The following RASSF8 variants were observed in gnomAD, a reference collection of about 807,000 sequenced individuals.
RASSF8 encodes the protein Ras association domain family member 8.
In RASSF8, 22 loss-of-function variants were observed where a neutral mutation model predicts 48.5. That is an observed-to-expected ratio of 0.45 (90% CI 0.32 to 0.65). The LOEUF is 0.65. RASSF8 is among the 30% of genes least tolerant of loss of function. The pLI is 0.03. For missense variants in RASSF8, 418 were observed against 489.2 expected (o/e 0.85, Z 1.37); for synonymous variants, 127 against 171.5 (o/e 0.74, Z 2.03).
chr12:25,965,269 C>T (rs1292892872), intron 1 of RASSF8, among the ~76,000 whole-genome samples: 1 of 151,816 alleles, frequency 6.6e-6, no homozygotes, highest in East Asian at 1.9e-4. Flanking sequence ...ATATCATTGA[C>T]ACACAATAAA....
At chr12:26,032,219 A>T (rs1169649649) in intron 2 of RASSF8, among the ~76,000 whole-genome samples, 1 of 152,184 alleles carries the variant, frequency 6.6e-6, no homozygotes, top group Non-Finnish European at 1.5e-5. Flanking sequence ...CACATATAAA[A>T]CTTTGAAATG....
intron 2 of RASSF8, among the ~76,000 whole-genome samples, chr12:26,052,391 C>G (rs1477986327): frequency 6.6e-6 from 1 of 152,162 alleles, no homozygotes; most frequent in East Asian, 1.9e-4. Flanking sequence ...CCTAGTGCTT[C>G]ATTGTAAAAA....
At chr12:25,987,185 C>T (rs536562998) in intron 1 of RASSF8, among the ~76,000 whole-genome samples, 15 of 152,276 alleles carry the variant, frequency 9.9e-5, no homozygotes, top group Admixed American at 7.8e-4. Context: ...CCACCTGCCT[C>T]GGCCTCCCAA....
intron 2 of RASSF8, among the ~76,000 whole-genome samples, chr12:26,009,931 A>C (rs1467984245): frequency 6.6e-6 from 1 of 152,240 alleles, no homozygotes; most frequent in Non-Finnish European, 1.5e-5. Flanking sequence ...GAGAGAGATC[A>C]GAAGAAGGCT....
chr12:26,033,597 G>A (rs565660891), intron 2 of RASSF8, among the ~76,000 whole-genome samples: 10 of 151,770 alleles, frequency 6.6e-5, no homozygotes, highest in African/African-American at 2.2e-4. Context: ...AAACACTGTT[G>A]GGTTTCTTTT....
chr12:26,030,148 AGT>A (rs1942997838), intron 2 of RASSF8, among the ~76,000 whole-genome samples: 1 of 152,186 alleles, frequency 6.6e-6, no homozygotes, highest in African/African-American at 2.4e-5. Flanking sequence ...TTTGTTTTCT[AGT>A]ATATAATTGA....
chr12:26,024,037 A>G (rs921044513), intron 2 of RASSF8, among the ~76,000 whole-genome samples: 1 of 152,246 alleles, frequency 6.6e-6, no homozygotes, highest in Non-Finnish European at 1.5e-5. Context: ...CTACAAAGTA[A>G]TAAGTGTAAT....
downstream of RASSF8, among the ~76,000 whole-genome samples, chr12:26,077,535 C>CT (rs534630578): frequency 2.0e-3 from 310 of 152,048 alleles, 1 homozygote; most frequent in African/African-American, 6.8e-3. Context: ...TTCCCCATTT[C>CT]TTTTTTTTGT....
intron 1 of RASSF8, among the ~76,000 whole-genome samples, chr12:25,969,408 A>G (rs748060898): frequency 6.6e-6 from 1 of 152,202 alleles, no homozygotes; most frequent in Non-Finnish European, 1.5e-5. Flanking sequence ...ATATTTGTGA[A>G]GAACAGAGCA....
At chr12:26,064,335 G>A (rs561143992) in intron 3 of RASSF8, among the ~76,000 whole-genome samples, 163 bp from the exon 4 acceptor site, 1 of 152,308 alleles carries the variant, frequency 6.6e-6, no homozygotes, top group South Asian at 2.1e-4. Context: ...GTCGTGAGGG[G>A]TTTGGTATCT....
intron 2 of RASSF8, among the ~76,000 whole-genome samples, chr12:26,043,132 G>T (rs1451188077): frequency 6.6e-6 from 1 of 152,188 alleles, no homozygotes; most frequent in South Asian, 2.1e-4. Flanking sequence ...ACAATCAGAG[G>T]AGTAGCCAGA....
chr12:26,048,972 G>A (rs1265570096), intron 2 of RASSF8, among the ~76,000 whole-genome samples: 2 of 151,928 alleles, frequency 1.3e-5, no homozygotes, highest in African/African-American at 2.4e-5. Context: ...TGGCCAGGCC[G>A]GTCTCGAACT....
intron 2 of RASSF8, among the ~76,000 whole-genome samples, chr12:26,009,178 C>G (rs1476358222): frequency 6.6e-6 from 1 of 152,186 alleles, no homozygotes; most frequent in East Asian, 1.9e-4. Flanking sequence ...ACTATCTGGG[C>G]TGAGAACCAA....
intron 1 of RASSF8, among the ~76,000 whole-genome samples, chr12:25,980,709 G>A (rs1238668115): frequency 2.6e-5 from 4 of 152,158 alleles, no homozygotes; most frequent in Non-Finnish European, 4.4e-5. Context: ...CTATGAGCAG[G>A]TGAAGCCATA....
intron 2 of RASSF8, among the ~76,000 whole-genome samples, chr12:26,051,160 A>G (rs1450122224): frequency 2.0e-5 from 3 of 152,204 alleles, no homozygotes; most frequent in Non-Finnish European, 4.4e-5. Context: ...CTTTTCTCAT[A>G]TTGAAATGAG....
chr12:26,034,422 AT>A (rs967444812), intron 2 of RASSF8, among the ~76,000 whole-genome samples: 2 of 144,700 alleles, frequency 1.4e-5, no homozygotes, highest in African/African-American at 2.6e-5. Context: ...AAAAAAAAAA[AT>A]CTCATGATGT....
intron 2 of RASSF8, among the ~76,000 whole-genome samples, chr12:26,038,717 A>C (rs1204608512): frequency 6.6e-6 from 1 of 151,890 alleles, no homozygotes; most frequent in Admixed American, 6.6e-5. Context: ...GTGCTCAGTG[A>C]AGCCCTAGCT....
chr12:25,977,203 C>T (rs573694772), intron 1 of RASSF8, among the ~76,000 whole-genome samples: 10 of 152,212 alleles, frequency 6.6e-5, no homozygotes, highest in Non-Finnish European at 1.3e-4. Context: ...CATTACACCA[C>T]AGCCTTCCAC....
chr12:26,035,804 C>A (rs1285432375), intron 2 of RASSF8, among the ~76,000 whole-genome samples: 2 of 141,126 alleles, frequency 1.4e-5, no homozygotes, highest in African/African-American at 5.2e-5. Context: ...ACTAGATATA[C>A]AATATATGAA....
Sources: allele counts gnomAD v4.1 joint callset (sites outside exome capture counted in the v4.1 genomes callset), GRCh38; gene constraint gnomAD v4.1.1; transcripts MANE v1.5; gene names NCBI Gene and HGNC (gene_info 2026-07-23, HGNC 2026-07-21).